SLC28A1: variants seen among roughly 807,000 people sequenced by gnomAD.
SLC28A1 encodes the protein solute carrier family 28 member 1.
Under a neutral mutation model 74.8 loss-of-function variants are expected in SLC28A1, and 64 were observed. That is an observed-to-expected ratio of 0.86 (90% CI 0.70 to 1.05). The LOEUF is 1.05. Among genes scored for constraint, SLC28A1 ranks in the 50% least tolerant of loss-of-function variants. The probability of loss-of-function intolerance (pLI) is 0.00; values close to 1 mark genes in which losing one functional copy is unlikely to be tolerated. For missense variants in SLC28A1, 828 were observed against 822.8 expected, an observed-to-expected ratio of 1.01 and a Z score of -0.08; for synonymous variants, 359 against 335.0, an observed-to-expected ratio of 1.07 and a Z score of -0.78.
At chr15:84,938,134 A>G (rs1170263658) in intron 15 of SLC28A1, among the ~76,000 whole-genome samples, 1 of 143,930 alleles carries the variant, frequency 6.9e-6, no homozygotes, top group African/African-American at 2.6e-5. Flanking sequence ...CAGGAGGGGG[A>G]GGTTGCAGTG....
the SLC28A1 span, among the ~76,000 whole-genome samples, chr15:84,951,662 A>G: frequency 6.6e-6 from 1 of 152,156 alleles, no homozygotes; most frequent in African/African-American, 2.4e-5. Context: ...ACAAATGGGA[A>G]CAAGCTATTA....
At chr15:84,930,509 AT>A (rs1202733081) in intron 12 of SLC28A1, among the ~76,000 whole-genome samples, 4 of 152,102 alleles carry the variant, frequency 2.6e-5, no homozygotes, top group African/African-American at 7.2e-5. Context: ...GAAGGACACA[AT>A]ACCTGGGATT....
intron 12 of SLC28A1, among the ~76,000 whole-genome samples, chr15:84,930,935 A>G (rs1971197181): frequency 6.6e-6 from 1 of 151,868 alleles, no homozygotes; most frequent in South Asian, 2.1e-4. Flanking sequence ...ACACCCGGAT[A>G]ATTTTTCTCT....
chr15:84,937,722 C>T (rs997310044), intron 15 of SLC28A1, among the ~76,000 whole-genome samples: 10 of 147,074 alleles, frequency 6.8e-5, no homozygotes, highest in African/African-American at 1.0e-4. Context: ...ACCAACATAG[C>T]GAAACCCCTT....
intron 18 of SLC28A1, 79 bp downstream of exon 18, chr15:84,944,946 G>A (rs2079147013): frequency 8.5e-7 from 1 of 1,169,850 alleles, no homozygotes; most frequent in Non-Finnish European, 1.3e-6. Flanking sequence ...GGATGCCTTT[G>A]GTACCAGGGT....
At chr15:84,919,807 A>G (rs1240101504) in intron 10 of SLC28A1, among the ~76,000 whole-genome samples, 3 of 152,174 alleles carry the variant, frequency 2.0e-5, no homozygotes, top group Admixed American at 6.5e-5. Flanking sequence ...TTATTTGGCA[A>G]TCAAATTTCA....
intron 4 of SLC28A1, among the ~76,000 whole-genome samples, chr15:84,889,905 A>T (rs571132091): frequency 1.4e-5 from 2 of 140,758 alleles, no homozygotes; most frequent in South Asian, 4.4e-4. Flanking sequence ...CCTGGGCTGG[A>T]GTGCAGTGGC....
chr15:84,969,199 G>T, the SLC28A1 span, among the ~76,000 whole-genome samples: 2 of 152,192 alleles, frequency 1.3e-5, no homozygotes, highest in African/African-American at 4.8e-5. Flanking sequence ...GCTTAACTTT[G>T]GTATTGGACT....
intron 8 of SLC28A1, among the ~76,000 whole-genome samples, chr15:84,906,528 G>GTTTC (rs1159258854): frequency 4.4e-3 from 272 of 62,014 alleles, no homozygotes; most frequent in African/African-American, 0.018. Flanking sequence ...TTGTTTGTTT[G>GTTTC]TTTCTTTCTT....
chr15:84,889,600 G>C (rs1314208097), intron 4 of SLC28A1, among the ~76,000 whole-genome samples: 1 of 152,118 alleles, frequency 6.6e-6, no homozygotes, highest in Non-Finnish European at 1.5e-5. Context: ...GTGGATGAAC[G>C]ACAGGGGAGG....
chr15:84,909,411 T>C (rs987949244), intron 9 of SLC28A1, among the ~76,000 whole-genome samples: 1 of 152,208 alleles, frequency 6.6e-6, no homozygotes, highest in Admixed American at 6.5e-5. Context: ...TGCAAAATAT[T>C]ATAGGGGAAA....
At chr15:84,893,813 C>T in intron 5 of SLC28A1, among the ~76,000 whole-genome samples, 1 of 152,198 alleles carries the variant, frequency 6.6e-6, no homozygotes, top group East Asian at 1.9e-4. Context: ...CACGGGCATT[C>T]CTCTCTCTGC....
the SLC28A1 span, among the ~76,000 whole-genome samples, chr15:84,973,472 G>A: frequency 9.2e-5 from 14 of 152,252 alleles, no homozygotes; most frequent in South Asian, 2.3e-3. Flanking sequence ...CCATGGCCAG[G>A]GAAGCGGCAC....
chr15:84,957,012 T>G, the SLC28A1 span, among the ~76,000 whole-genome samples: 1 of 152,144 alleles, frequency 6.6e-6, no homozygotes, highest in Non-Finnish European at 1.5e-5. Flanking sequence ...GTTTTTTTGT[T>G]TTTGTTGCTT....
In SLC28A1 at chr15:84,904,168, A is replaced by T; in HGVS notation, c.533A>T (p.Gln178Leu). ...CTGGACACCTCCCAGCGGCCTGAGC[A>T]ACTGGTGTCCTTCGCAGGAATCTGC... ...LSLDTSQRPE[Q>L]LVSFAGICVF... is the part of the protein sequence containing the mutation. The change falls in exon 7 of 19, where the codon CAA (glutamine) becomes CTA (leucine). Residue 178 changes from glutamine (Q) to leucine (L), a missense_variant. Transcript: ENST00000394573. 1 of 1,614,212 alleles carries T rather than the reference A, an allele frequency of 6.2e-7. No individual in the cohort carries two copies. The highest frequency in any genetic ancestry group is 8.5e-7 in the Non-Finnish European group (1 of 1,180,040).
chr15:84,888,906 G>A, intron 4 of SLC28A1, 46 bp downstream of exon 4: 3 of 1,378,678 alleles, frequency 2.2e-6, no homozygotes, highest in Non-Finnish European at 3.0e-6. Flanking sequence ...GGTGGAGGCT[G>A]CTTGGGAACA....
chr15:84,921,348 T>C (rs1969809061), intron 11 of SLC28A1, among the ~76,000 whole-genome samples: 1 of 152,170 alleles, frequency 6.6e-6, no homozygotes, highest in Non-Finnish European at 1.5e-5. Context: ...CAGTTTCTCA[T>C]TTTACACATG....
intron 2 of SLC28A1, chr15:84,887,408 G>A: frequency 1.0e-6 from 1 of 985,196 alleles, no homozygotes; most frequent in Non-Finnish European, 1.2e-6. Flanking sequence ...GTGCAGGCTG[G>A]GGTGGTGGCG....
chr15:84,895,360 A>C (rs1965873731), intron 6 of SLC28A1: 1 of 1,613,916 alleles, frequency 6.2e-7, no homozygotes, highest in Non-Finnish European at 8.5e-7. Flanking sequence ...ACTGGACTCA[A>C]CAGTTTCCTC....
Sources: allele counts gnomAD v4.1 joint callset (sites outside exome capture counted in the v4.1 genomes callset), GRCh38; gene constraint gnomAD v4.1.1; transcripts MANE v1.5; gene names NCBI Gene and HGNC (gene_info 2026-07-23, HGNC 2026-07-21).